Variants in TCAF1 observed in about 807,000 individuals in gnomAD.
TCAF1 encodes the protein TRPM8 channel-associated factor 1.
In TCAF1, 4 loss-of-function variants were observed where a neutral mutation model predicts 27.3. The observed-to-expected ratio is 0.15, with a 90% CI of 0.07 to 0.34. The LOEUF is 0.34. Ranked by LOEUF, TCAF1 falls within the 10% of genes least tolerant of loss-of-function variation. The pLI is 1.00. For synonymous variants in TCAF1, 105 were observed against 167.1 expected, an observed-to-expected ratio of 0.63 and a Z score of 2.87; for missense variants, 257 against 425.8, an observed-to-expected ratio of 0.60 and a Z score of 3.49.
At chr7:143,877,180 G>A (rs1050893156) in intron 1 of TCAF1, among the ~76,000 whole-genome samples, 8 of 152,112 alleles carry the variant, frequency 5.3e-5, no homozygotes, top group African/African-American at 1.4e-4. Flanking sequence ...CCTCAGAATC[G>A]CCACATTGCT....
At chr7:143,886,416 A>T in intron 1 of TCAF1, 1 of 758,984 alleles carries the variant, frequency 1.3e-6, no homozygotes, top group Non-Finnish European at 1.6e-6. Context: ...GACATCCCAT[A>T]TAAATTAAGG....
chr7:143,900,936 T>C (rs2116882238), intron 1 of TCAF1, among the ~76,000 whole-genome samples: 1 of 152,306 alleles, frequency 6.6e-6, no homozygotes, highest in East Asian at 1.9e-4. Flanking sequence ...ACATATGTTT[T>C]AGGAATACAC....
intron 1 of TCAF1, among the ~76,000 whole-genome samples, chr7:143,883,725 A>C (rs1350591858): frequency 2.0e-5 from 3 of 152,040 alleles, no homozygotes; most frequent in African/African-American, 7.2e-5. Flanking sequence ...GGCTGATCTC[A>C]AATCACTGAC....
At chr7:143,886,754 A>G (rs1342662050) in intron 1 of TCAF1, among the ~76,000 whole-genome samples, 2 of 119,748 alleles carry the variant, frequency 1.7e-5, no homozygotes, top group Non-Finnish European at 1.6e-5. Flanking sequence ...AGTGCAGTGG[A>G]GCGAGGCTCA....
chr7:143,896,662 G>C (rs1813881601), intron 1 of TCAF1, among the ~76,000 whole-genome samples: 1 of 151,900 alleles, frequency 6.6e-6, no homozygotes, highest in South Asian at 2.1e-4. Flanking sequence ...ACTTCATATG[G>C]CCAAATGGAA....
At chr7:143,898,514 A>G (rs1301884995) in intron 1 of TCAF1, among the ~76,000 whole-genome samples, 2 of 152,198 alleles carry the variant, frequency 1.3e-5, no homozygotes, top group Non-Finnish European at 2.9e-5. Context: ...ATTAATATAT[A>G]AAAGGCAACT....
chr7:143,897,100 T>C (rs1813899790), intron 1 of TCAF1, among the ~76,000 whole-genome samples: 1 of 136,652 alleles, frequency 7.3e-6, no homozygotes, highest in Non-Finnish European at 1.6e-5. Flanking sequence ...AATGAGAGGA[T>C]TTTATAAACA....
chr7:143,899,143 TATCA>T (rs1442827725), intron 1 of TCAF1, among the ~76,000 whole-genome samples: 3 of 152,216 alleles, frequency 2.0e-5, no homozygotes, highest in African/African-American at 7.2e-5. Flanking sequence ...GTTGATCCAT[TATCA>T]ATCAGAATTC....
rs1813095761 is a variant in TCAF1, at chr7:143,882,358, C to G, written c.-14-5736G>C. Reference sequence around the variant, plus strand: ...CTGTCACCAGCTACCCGCGACCCTGCTCAAGCCCCGGGCCTTCTCATCCGA... The same window carrying G: ...CTGTCACCAGCTACCCGCGACCCTGGTCAAGCCCCGGGCCTTCTCATCCGA... On this transcript the variant is annotated intron_variant, in intron 1 of 8. Coordinates refer to ENST00000479870, the MANE Select transcript of TCAF1 (RefSeq NM_014719.3). 5 of 983,776 alleles carry G rather than the reference C, an allele frequency of 5.1e-6. No individual in the cohort carries two copies. In the Admixed American group the frequency reaches 3.1e-4, roughly 60 times the overall value. The allele number at this position is 983,776 out of a possible 1,614,324, so 60.9% of individuals were successfully genotyped here.
rs1269953950 is a variant in TCAF1 at position 143,902,095 on chromosome 7, T to C, written c.-149A>G. 6.6e-6 allele frequency: 1 copy of C among 152,462 alleles called. No homozygotes were observed. Among genetic ancestry groups the C allele is most frequent in the Non-Finnish European group, 1.5e-5 (1 of 68,278 alleles). 9.4% of individuals were successfully genotyped at this position (152,462 alleles called of 1,614,324 possible). ...CAACCTGCTAGGAGCGGGAGGCGGT[T>C]GTTCCCAGGAGGAAGCAGCTTCTCC... On this transcript the variant is annotated 5_prime_UTR_variant, in exon 1 of 9. Transcript: ENST00000479870.
intron 1 of TCAF1, chr7:143,882,851 T>C: frequency 1.0e-6 from 1 of 985,464 alleles, no homozygotes. Flanking sequence ...GAGCCGGGAT[T>C]TGGGAGCGGG....
At chr7:143,893,907 C>T (rs1019213682) in intron 1 of TCAF1, among the ~76,000 whole-genome samples, 1 of 151,348 alleles carries the variant, frequency 6.6e-6, no homozygotes, top group Non-Finnish European at 1.5e-5. Context: ...ATATAATAAA[C>T]ATAAAAGCAA....
intron 1 of TCAF1, among the ~76,000 whole-genome samples, chr7:143,890,142 C>T (rs1360610928): frequency 2.0e-5 from 3 of 151,338 alleles, no homozygotes; most frequent in East Asian, 3.9e-4. Flanking sequence ...GCACCCGCCA[C>T]CACACCCAGT....
In TCAF1 at chr7:143,902,092, G is replaced by C. The variant is rs1428999562; in HGVS notation, c.-146C>G. 1 of 152,538 alleles carries C rather than the reference G, an allele frequency of 6.6e-6. No homozygotes were observed. Among genetic ancestry groups the C allele is most frequent in the Non-Finnish European group, 1.5e-5 (1 of 68,292 alleles). 9.4% of individuals were successfully genotyped at this position (152,538 alleles called of 1,614,324 possible). ...TAGCAACCTGCTAGGAGCGGGAGGC[G>C]GTTGTTCCCAGGAGGAAGCAGCTTC... On this transcript the variant is annotated 5_prime_UTR_variant, in exon 1 of 9. Coordinates refer to ENST00000479870, the MANE Select transcript of TCAF1 (RefSeq NM_014719.3).
intron 1 of TCAF1, chr7:143,882,955 C>G: frequency 1.2e-6 from 1 of 859,068 alleles, no homozygotes; most frequent in Non-Finnish European, 1.4e-6. Flanking sequence ...CAGGGGGCGG[C>G]GCTTGGCGGG....
In TCAF1 at chr7:143,876,171, GCCA is replaced by G; in HGVS notation, c.435_437del (p.Gly147del). On this transcript the variant is annotated inframe_deletion, in exon 2 of 9. Coordinates refer to ENST00000479870, the MANE Select transcript of TCAF1 (RefSeq NM_014719.3). ...AGGCTTGTCCTCCTATGAGCAAGCC[GCCA>G]CCACATTTCATGAACTTGACCAGCT... 6.2e-7 allele frequency: 1 copy of G among 1,614,142 alleles called. No homozygotes were observed. Among genetic ancestry groups the G allele is most frequent in the Non-Finnish European group, 8.5e-7 (1 of 1,179,996 alleles).
intron 1 of TCAF1, among the ~76,000 whole-genome samples, chr7:143,899,840 G>A (rs1313633220): frequency 6.6e-6 from 1 of 151,978 alleles, no homozygotes; most frequent in African/African-American, 2.4e-5. Context: ...GAAAGAGACA[G>A]GAATCAGAAT....
intron 6 of TCAF1, among the ~76,000 whole-genome samples, chr7:143,860,004 A>AT (rs1223358617): frequency 2.0e-3 from 11 of 5,506 alleles, no homozygotes; most frequent in African/African-American, 2.8e-3. Context: ...ATTATATAAT[A>AT]TATATATAAT....
intron 1 of TCAF1, among the ~76,000 whole-genome samples, chr7:143,877,477 G>A (rs1812780674): frequency 6.6e-6 from 1 of 152,136 alleles, no homozygotes. Context: ...AGTCCTCTGT[G>A]GTTTAAATGC....
Sources: allele counts gnomAD v4.1 joint callset (sites outside exome capture counted in the v4.1 genomes callset), GRCh38; gene constraint gnomAD v4.1.1; transcripts MANE v1.5; gene names NCBI Gene and HGNC (gene_info 2026-07-23, HGNC 2026-07-21).